MCC: variants seen among roughly 807,000 people sequenced by gnomAD.
The protein encoded by MCC is colorectal mutant cancer protein.
In MCC, 90 loss-of-function variants were observed where a neutral mutation model predicts 116.2. The ratio of observed to expected loss-of-function variants is 0.77; its 90% CI spans 0.65 to 0.92. MCC has a LOEUF of 0.92. Among genes scored for constraint, MCC ranks in the 40% least tolerant of loss-of-function variants. The pLI, the probability that MCC is intolerant of heterozygous loss-of-function variation, is 0.00. For missense variants in MCC, 1,516 were observed against 1,312.2 expected (o/e 1.16, Z -2.40); for synonymous variants, 578 against 510.5 (o/e 1.13, Z -1.78).
intron 2 of MCC, among the ~76,000 whole-genome samples, chr5:113,364,942 C>T (rs1768649042): frequency 6.6e-6 from 1 of 152,314 alleles, no homozygotes; most frequent in South Asian, 2.1e-4. Flanking sequence ...GGCCATGAAA[C>T]CCTCCTATGT....
chr5:113,388,826 A>G (rs759167044), intron 1 of MCC, among the ~76,000 whole-genome samples: 3 of 152,214 alleles, frequency 2.0e-5, no homozygotes, highest in Non-Finnish European at 2.9e-5. Context: ...ATGACAGTTG[A>G]AAGAGTCAGA....
chr5:113,374,023 G>C (rs1581435853), intron 2 of MCC, among the ~76,000 whole-genome samples: 1 of 151,842 alleles, frequency 6.6e-6, no homozygotes, highest in African/African-American at 2.4e-5. Context: ...CAGCCTCCTG[G>C]GTAGCTGGGA....
In MCC at chr5:113,027,466, A is replaced by G. The variant is rs750622347; in HGVS notation, c.2896T>C (p.Tyr966His). 3.1e-6 allele frequency: 5 copies of G among 1,614,152 alleles called. No individual in the cohort carries two copies. The highest frequency in any genetic ancestry group is 3.4e-6 in the Non-Finnish European group (4 of 1,180,026). Residue 966 changes from tyrosine to histidine, a missense_variant, in exon 19 of 19, where the codon TAT (tyrosine) becomes CAT (histidine). Physicochemically the swap from Tyr to His is moderately conservative, Grantham distance 83. Coordinates refer to ENST00000408903, the MANE Select transcript of MCC (RefSeq NM_001085377.2). ...KRANSNLVAA[Y>H]EKAKKKHQNK... is the part of the protein sequence containing the mutation. ...TGATGCTTTTTCTTTGCTTTCTCAT[A>G]GGCAGCCACCAGGTTGCTAGGTGGG...
chr5:113,202,120 G>A (rs947670652), intron 3 of MCC, among the ~76,000 whole-genome samples: 2 of 151,666 alleles, frequency 1.3e-5, no homozygotes, highest in African/African-American at 2.4e-5. Flanking sequence ...CCCATTAACC[G>A]AAGCCACCAA....
At chr5:113,085,677 T>C (rs1335595252) in intron 8 of MCC, among the ~76,000 whole-genome samples, 1 of 152,270 alleles carries the variant, frequency 6.6e-6, no homozygotes, top group Middle Eastern at 3.4e-3. Context: ...GCTTCCAGGA[T>C]GGATGACCAT....
At chr5:113,064,697 G>A (rs6862486) in intron 13 of MCC, among the ~76,000 whole-genome samples, 2,043 of 152,262 alleles carry the variant, frequency 0.013, 37 homozygotes, top group African/African-American at 0.039. Flanking sequence ...TATAGGTACC[G>A]ATGCCACCCC....
rs566697022 is a variant in MCC, at chr5:113,131,171, G to A, written c.885-8345C>T. Among the ~76,000 whole-genome samples the A allele has an allele frequency of 2.2e-3, 337 of 152,348 alleles. 1 individual carries two copies. The highest frequency in any genetic ancestry group is 2.9e-3 in the Non-Finnish European group (196 of 68,030). On this transcript the variant is annotated intron_variant, in intron 5 of 18. Transcript: ENST00000408903. ...TGAGACTTGGTAGTGAGAGGCTGAT[G>A]TTATGAGAGTAGCTTATAGAAAAGA...
chr5:113,303,828 T>C (rs1766919640), intron 3 of MCC, among the ~76,000 whole-genome samples: 1 of 152,184 alleles, frequency 6.6e-6, no homozygotes, highest in Non-Finnish European at 1.5e-5. Flanking sequence ...AATTTGTTTG[T>C]ATTTTTAGTA....
chr5:113,192,934 T>G (rs1336010706), intron 3 of MCC, among the ~76,000 whole-genome samples: 1 of 152,242 alleles, frequency 6.6e-6, no homozygotes, highest in Non-Finnish European at 1.5e-5. Flanking sequence ...ACATGTTTAT[T>G]GTCTACAGCT....
intron 3 of MCC, among the ~76,000 whole-genome samples, chr5:113,237,834 TA>T (rs1313168062): frequency 6.6e-5 from 10 of 152,232 alleles, no homozygotes; most frequent in African/African-American, 1.9e-4. Context: ...TAATTTTGTC[TA>T]AGGCAAGAAC....
At chr5:113,394,965 G>T (rs180994547) in intron 1 of MCC, among the ~76,000 whole-genome samples, 1 of 152,116 alleles carries the variant, frequency 6.6e-6, no homozygotes, top group African/African-American at 2.4e-5. Context: ...TTGAATCATT[G>T]TGACAGAGAC....
intron 3 of MCC, among the ~76,000 whole-genome samples, chr5:113,303,522 A>T (rs12523027): frequency 0.13 from 19,404 of 152,230 alleles, 2,019 homozygotes; most frequent in Admixed American, 0.26. Flanking sequence ...AAGAAAGCTG[A>T]CAATGAAGAA....
chr5:113,418,733 A>G (rs2150406157), intron 1 of MCC, among the ~76,000 whole-genome samples: 1 of 152,048 alleles, frequency 6.6e-6, no homozygotes, highest in Non-Finnish European at 1.5e-5. Context: ...ACAAGAAAGT[A>G]GCCATTTAGC....
intron 8 of MCC, among the ~76,000 whole-genome samples, chr5:113,086,854 G>C (rs1233698838): frequency 6.6e-6 from 1 of 152,180 alleles, no homozygotes; most frequent in East Asian, 1.9e-4. Flanking sequence ...ATCCCCCAGA[G>C]GGCTTGCTAA....
intron 3 of MCC, among the ~76,000 whole-genome samples, chr5:113,327,317 C>G (rs1767580501): frequency 6.6e-6 from 1 of 151,778 alleles, no homozygotes; most frequent in African/African-American, 2.4e-5. Context: ...GAGGCCGAGG[C>G]AGGCAGATCA....
intron 3 of MCC, among the ~76,000 whole-genome samples, chr5:113,317,269 TA>T (rs1051140129): frequency 2.0e-5 from 3 of 151,818 alleles, no homozygotes; most frequent in Middle Eastern, 3.4e-3. Flanking sequence ...CTAACCCACT[TA>T]AAAAAAAACT....
intron 8 of MCC, among the ~76,000 whole-genome samples, chr5:113,094,925 G>A (rs1300369739): frequency 2.6e-5 from 4 of 152,194 alleles, no homozygotes; most frequent in Non-Finnish European, 5.9e-5. Flanking sequence ...ACTGGGAGCT[G>A]TGTCCATGGA....
At chr5:113,351,554 G>A (rs968177625) in intron 2 of MCC, among the ~76,000 whole-genome samples, 1 of 152,076 alleles carries the variant, frequency 6.6e-6, no homozygotes, top group Non-Finnish European at 1.5e-5. Flanking sequence ...AGGGTAGTGG[G>A]GGAAGTAGAG....
chr5:113,484,888 T>C (rs1772474149), intron 1 of MCC, among the ~76,000 whole-genome samples: 1 of 152,160 alleles, frequency 6.6e-6, no homozygotes, highest in South Asian at 2.1e-4. Context: ...CCATAAAATA[T>C]GTGGTAAAGT....
Sources: allele counts gnomAD v4.1 joint callset (sites outside exome capture counted in the v4.1 genomes callset), GRCh38; gene constraint gnomAD v4.1.1; transcripts MANE v1.5; gene names NCBI Gene and HGNC (gene_info 2026-07-23, HGNC 2026-07-21).